The following NEDD4L variants were observed in gnomAD, a reference collection of about 807,000 sequenced individuals.
NEDD4L encodes the protein NEDD4 like E3 ubiquitin protein ligase.
A neutral mutation model predicts 148.9 loss-of-function variants in NEDD4L; 54 were observed. That is an observed-to-expected ratio of 0.36 (90% CI 0.29 to 0.45). NEDD4L has a LOEUF of 0.45. Among genes scored for constraint, NEDD4L ranks in the 20% least tolerant of loss-of-function variants. NEDD4L has a pLI of 1.00. For synonymous variants in NEDD4L, 433 were observed against 440.7 expected (o/e 0.98, Z 0.22); for missense variants, 856 against 1,233.8 (o/e 0.69, Z 4.59).
intron 1 of NEDD4L, among the ~76,000 whole-genome samples, chr18:58,134,771 T>G (rs2032637054): frequency 2.7e-5 from 1 of 36,736 alleles, no homozygotes; most frequent in Non-Finnish European, 7.9e-5. Context: ...CAATTTTCAT[T>G]TTTTTTTTTT....
chr18:58,160,821 T>C (rs2036107923), intron 1 of NEDD4L, among the ~76,000 whole-genome samples: 1 of 152,230 alleles, frequency 6.6e-6, no homozygotes, highest in South Asian at 2.1e-4. Context: ...GTGTAAACTA[T>C]TTTTATAGAG....
intron 5 of NEDD4L, among the ~76,000 whole-genome samples, chr18:58,268,012 G>A (rs1025266419): frequency 7.2e-5 from 11 of 151,942 alleles, no homozygotes; most frequent in Non-Finnish European, 1.5e-4. Flanking sequence ...ATTGCTCTGC[G>A]CCTTCTGATG....
At chr18:58,308,994 G>A (rs546225274) in intron 5 of NEDD4L, among the ~76,000 whole-genome samples, 5 of 152,312 alleles carry the variant, frequency 3.3e-5, no homozygotes, top group South Asian at 4.1e-4. Context: ...GTGACTTCAC[G>A]CTGTCCTCAG....
intron 23 of NEDD4L, among the ~76,000 whole-genome samples, chr18:58,371,203 A>ATTTTTTTTTT (rs34960405): frequency 2.6e-3 from 239 of 92,936 alleles, no homozygotes; most frequent in African/African-American, 6.9e-3. Context: ...TGCCTGGCTA[A>ATTTTTTTTTT]TTTTTTTTTT....
intron 5 of NEDD4L, among the ~76,000 whole-genome samples, chr18:58,297,087 AAAAT>A (rs779404285): frequency 5.3e-5 from 8 of 152,176 alleles, no homozygotes; most frequent in Non-Finnish European, 1.0e-4. Flanking sequence ...AGTCTGTCTC[AAAAT>A]AAATAAATAA....
intron 6 of NEDD4L, 57 bp from the exon 7 acceptor site, chr18:58,322,368 C>G (rs2058871989): frequency 5.7e-6 from 7 of 1,223,536 alleles, no homozygotes; most frequent in Non-Finnish European, 8.3e-6. Flanking sequence ...TTGCCTGTAT[C>G]TAAAACATGA....
chr18:58,208,123 G>C lies in NEDD4L; in HGVS notation c.123-37304G>C, dbSNP rs559625068. On this transcript the variant is annotated intron_variant, in intron 2 of 30. Transcript: ENST00000400345. ...ATTAAATGGTTCCTACTACCAAAGA[G>C]TTCCTGTTCTAATGGGGGTTTAATA... Among the ~76,000 whole-genome samples, 16 of 152,274 alleles carry C rather than the reference G, an allele frequency of 1.1e-4. No individual in the cohort carries two copies. The South Asian group carries it at 2.9e-3, about 28-fold the overall frequency.
intron 1 of NEDD4L, among the ~76,000 whole-genome samples, chr18:58,109,816 C>T (rs1347841062): frequency 6.6e-6 from 1 of 152,106 alleles, no homozygotes; most frequent in African/African-American, 2.4e-5. Flanking sequence ...GACCCACCTG[C>T]CTTGGCCTCC....
intron 2 of NEDD4L, among the ~76,000 whole-genome samples, chr18:58,200,766 C>T (rs752639764): frequency 6.6e-6 from 1 of 152,234 alleles, no homozygotes; most frequent in South Asian, 2.1e-4. Flanking sequence ...CACTTACCTT[C>T]GCTACAGGTG....
intron 1 of NEDD4L, among the ~76,000 whole-genome samples, chr18:58,143,075 G>T (rs1390528680): frequency 6.6e-6 from 1 of 152,174 alleles, no homozygotes; most frequent in Non-Finnish European, 1.5e-5. Context: ...TCCTGACTTG[G>T]AGGGAAATGG....
At chr18:58,051,356 T>A (rs184936173) in intron 1 of NEDD4L, among the ~76,000 whole-genome samples, 1 of 152,378 alleles carries the variant, frequency 6.6e-6, no homozygotes, top group East Asian at 1.9e-4. Context: ...TGAATTGTGT[T>A]GTGTATGAAT....
intron 1 of NEDD4L, among the ~76,000 whole-genome samples, chr18:58,078,421 C>T (rs1028707443): frequency 1.2e-4 from 19 of 152,098 alleles, no homozygotes; most frequent in African/African-American, 4.3e-4. Flanking sequence ...GTAACTGTGT[C>T]CCAGGCCCTG....
intron 1 of NEDD4L, among the ~76,000 whole-genome samples, chr18:58,151,622 G>GGGGGGTGTGT (rs1568290916): frequency 2.6e-4 from 16 of 61,014 alleles, no homozygotes; most frequent in African/African-American, 8.8e-4. Flanking sequence ...GCTGTGCCTG[G>GGGGGGTGTGT]ATATGTGTGT....
At chr18:58,370,186 C>T (rs534168161) in intron 22 of NEDD4L, among the ~76,000 whole-genome samples, 1 of 152,228 alleles carries the variant, frequency 6.6e-6, no homozygotes, top group African/African-American at 2.4e-5. Flanking sequence ...TGGCCCCACT[C>T]TGCTGCGCCA....
chr18:58,273,701 G>A (rs1445340923), intron 5 of NEDD4L, among the ~76,000 whole-genome samples: 2 of 152,210 alleles, frequency 1.3e-5, no homozygotes, highest in African/African-American at 2.4e-5. Context: ...TTAAGGCAAC[G>A]TGACCATGTA....
chr18:58,089,259 G>A (rs759270485), intron 1 of NEDD4L, among the ~76,000 whole-genome samples: 5 of 148,778 alleles, frequency 3.4e-5, no homozygotes, highest in Non-Finnish European at 7.4e-5. Flanking sequence ...TCAGCCTCCC[G>A]AGTAGGTGGG....
At chr18:58,047,058 G>C (rs977236477) in intron 1 of NEDD4L, 11 of 158,792 alleles carry the variant, frequency 6.9e-5, no homozygotes, top group Non-Finnish European at 1.2e-4. Context: ...AGCTTGTTTT[G>C]TCTCCCTGAA....
intron 2 of NEDD4L, among the ~76,000 whole-genome samples, chr18:58,214,806 T>C (rs1337672083): frequency 6.9e-6 from 1 of 145,494 alleles, no homozygotes; most frequent in Non-Finnish European, 1.5e-5. Context: ...TTTCATTTTT[T>C]TTTTTTTTTT....
At position 58,140,732 on chromosome 18, in the gene NEDD4L, T is replaced by C. The variant is rs146280202; in HGVS notation, c.49-25056T>C. On this transcript the variant is annotated intron_variant, in intron 1 of 30. Transcript: ENST00000400345. ...AGTGCCTTTCTGGTGTCATCTGTCC[T>C]GTTGGTGGCAGAGTTCTGCTGCTGA... Among the ~76,000 whole-genome samples, 12 of 152,380 alleles carry C rather than the reference T, an allele frequency of 7.9e-5. No individual in the cohort carries two copies. The East Asian group carries it at 2.3e-3, about 29-fold the overall frequency.
Sources: gnomAD v4.1 joint callset for allele counts (sites outside exome capture counted in the v4.1 genomes callset) on GRCh38, gnomAD v4.1.1 for gene constraint, MANE v1.5 for transcripts, NCBI Gene and HGNC (gene_info 2026-07-23, HGNC 2026-07-21) for gene names.